MAD1L1: variants seen among roughly 807,000 people sequenced by gnomAD.
MAD1L1 encodes the protein mitotic spindle assembly checkpoint protein MAD1.
Under a neutral mutation model 96.9 loss-of-function variants are expected in MAD1L1, and 95 were observed. That is an observed-to-expected ratio of 0.98 (90% CI 0.83 to 1.16). The LOEUF (loss-of-function observed/expected upper bound fraction) is 1.16, where lower values mean the gene tolerates loss of function less well. Ranked by LOEUF, MAD1L1 falls within the 50% of genes most tolerant of loss-of-function variation. The probability of loss-of-function intolerance (pLI) is 0.00; values close to 1 mark genes in which losing one functional copy is unlikely to be tolerated. For missense variants in MAD1L1, 1,007 were observed against 954.4 expected (o/e 1.06, Z -0.73); for synonymous variants, 473 against 396.6 (o/e 1.19, Z -2.29).
chr7:2,003,977 A>C (rs1345442925), intron 13 of MAD1L1, among the ~76,000 whole-genome samples: 6 of 152,154 alleles, frequency 3.9e-5, no homozygotes, highest in African/African-American at 1.4e-4. Flanking sequence ...AACTGGGCCT[A>C]GACACAACGC....
rs77349440 is a variant in MAD1L1 at position 2,077,019 on chromosome 7, G to A, written c.1074-7681C>T. Among the ~76,000 whole-genome samples the A allele has an allele frequency of 3.4e-3, 504 of 146,294 alleles. 1 individual carries two copies. Among genetic ancestry groups the A allele is most frequent in the South Asian group, 8.3e-3 (37 of 4,436 alleles). On this transcript the variant is annotated intron_variant, in intron 11 of 18. Transcript: ENST00000265854. ...TTATGACACAGTGAGCTCACGGCAC[G>A]GTGAGCCCGAGACAGAGTTACGACT...
At chr7:1,958,417 T>C (rs1463009832) in intron 15 of MAD1L1, among the ~76,000 whole-genome samples, 1 of 152,170 alleles carries the variant, frequency 6.6e-6, no homozygotes. Flanking sequence ...ATAAAAAAAG[T>C]CTGTCAAGGC....
At chr7:2,017,897 C>T (rs1782615507) in intron 12 of MAD1L1, among the ~76,000 whole-genome samples, 1 of 152,084 alleles carries the variant, frequency 6.6e-6, no homozygotes, top group Non-Finnish European at 1.5e-5. Context: ...GAAGAAGAAA[C>T]CCAGGGCACA....
intron 11 of MAD1L1, among the ~76,000 whole-genome samples, chr7:2,126,025 T>C (rs1006353176): frequency 2.6e-5 from 4 of 152,234 alleles, no homozygotes; most frequent in African/African-American, 9.6e-5. Context: ...CATGGGCTGC[T>C]TTCCACAGGT....
chr7:2,092,493 A>C (rs1786268190), intron 11 of MAD1L1, among the ~76,000 whole-genome samples: 1 of 151,846 alleles, frequency 6.6e-6, no homozygotes, highest in African/African-American at 2.4e-5. Context: ...GCCCCGCCTA[A>C]GCATCCTCCC....
At chr7:2,154,639 GTAAA>G (rs773758101) in intron 10 of MAD1L1, among the ~76,000 whole-genome samples, 3 of 152,070 alleles carry the variant, frequency 2.0e-5, no homozygotes, top group Admixed American at 6.6e-5. Context: ...TAAATAAATG[GTAAA>G]TAAATAAATA....
chr7:2,077,323 CCA>C (rs1422129507), intron 11 of MAD1L1, among the ~76,000 whole-genome samples: 2 of 152,128 alleles, frequency 1.3e-5, no homozygotes, highest in African/African-American at 4.8e-5. Flanking sequence ...AGATCAAGAC[CCA>C]CCCACAAGTA....
intron 16 of MAD1L1, among the ~76,000 whole-genome samples, chr7:1,947,102 C>G (rs1478821616): frequency 1.3e-5 from 2 of 152,196 alleles, no homozygotes; most frequent in African/African-American, 4.8e-5. Flanking sequence ...ACCTCCCTTC[C>G]GGCCAAAATG....
At chr7:2,000,228 T>TA (rs1562595621) in intron 14 of MAD1L1, among the ~76,000 whole-genome samples, 1 of 152,026 alleles carries the variant, frequency 6.6e-6, no homozygotes, top group East Asian at 1.9e-4. Context: ...TCACGCTCTC[T>TA]ACCTCACCTG....
Position 2,069,280 on chromosome 7 carries a change from C to A in MAD1L1, c.1132G>T (p.Gly378Cys). Residue 378 changes from glycine to cysteine, a missense_variant, in exon 12 of 19, where the codon GGC becomes TGC. Transcript: ENST00000265854. ...TTCTTCCTCTCCTCCAACAGCTGGC[C>A]GCTGACCTGCCGGAGCTCCTCCTGC... ...QLQEELRQVS[G>C]QLLEERKKRE... is the part of the protein sequence containing the mutation. The A allele has an allele frequency of 1.2e-6, 2 of 1,610,870 alleles. No individual in the cohort carries two copies. The highest frequency in any genetic ancestry group is 1.7e-6 in the Non-Finnish European group (2 of 1,179,450).
intron 18 of MAD1L1, among the ~76,000 whole-genome samples, chr7:1,852,726 G>A (rs554769055): frequency 9.2e-5 from 14 of 152,038 alleles, no homozygotes; most frequent in Non-Finnish European, 1.9e-4. Flanking sequence ...ACCCGGTGTC[G>A]GCACAGGCCT....
At chr7:1,933,304 T>G (rs1248219216) in intron 17 of MAD1L1, among the ~76,000 whole-genome samples, 1 of 152,222 alleles carries the variant, frequency 6.6e-6, no homozygotes, top group Non-Finnish European at 1.5e-5. Context: ...GCTGTCGAGC[T>G]GGGGAACTGC....
At chr7:1,842,049 T>C (rs1473369068) in intron 18 of MAD1L1, among the ~76,000 whole-genome samples, 1 of 152,206 alleles carries the variant, frequency 6.6e-6, no homozygotes, top group Admixed American at 6.5e-5. Flanking sequence ...TTGCCTTGTT[T>C]TTCGTCTTTG....
At chr7:2,175,129 T>A (rs1383565524) in intron 10 of MAD1L1, 1 of 152,280 alleles carries the variant, frequency 6.6e-6, no homozygotes, top group Admixed American at 6.5e-5. Context: ...CTTACCGTAG[T>A]CCATAAGGCA....
At chr7:1,976,628 T>C (rs1780656089) in intron 15 of MAD1L1, among the ~76,000 whole-genome samples, 1 of 152,230 alleles carries the variant, frequency 6.6e-6, no homozygotes, top group African/African-American at 2.4e-5. Flanking sequence ...TTGCCGCTGC[T>C]AGCTCTGGCA....
intron 10 of MAD1L1, among the ~76,000 whole-genome samples, chr7:2,212,303 G>A (rs936756654): frequency 6.6e-6 from 1 of 152,200 alleles, no homozygotes; most frequent in Non-Finnish European, 1.5e-5. Context: ...CCCAAGCGCT[G>A]GCACTCAGCT....
At chr7:2,139,881 A>G (rs1398565941) in intron 11 of MAD1L1, among the ~76,000 whole-genome samples, 2 of 152,200 alleles carry the variant, frequency 1.3e-5, no homozygotes, top group East Asian at 3.8e-4. Flanking sequence ...TTAAAAAGTA[A>G]CAATACAGAT....
At chr7:2,057,993 G>A (rs1784452272) in intron 12 of MAD1L1, among the ~76,000 whole-genome samples, 1 of 148,530 alleles carries the variant, frequency 6.7e-6, no homozygotes, top group African/African-American at 2.5e-5. Context: ...GAGGAGAGGA[G>A]AGGCGCGGGG....
chr7:2,221,980 T>C (rs1435413570), intron 5 of MAD1L1, among the ~76,000 whole-genome samples: 4 of 151,884 alleles, frequency 2.6e-5, no homozygotes, highest in African/African-American at 7.3e-5. Flanking sequence ...CATACATACA[T>C]GAGCGAACAC....
Sources: allele counts gnomAD v4.1 joint callset (sites outside exome capture counted in the v4.1 genomes callset), GRCh38; gene constraint gnomAD v4.1.1; transcripts MANE v1.5; gene names NCBI Gene and HGNC (gene_info 2026-07-23, HGNC 2026-07-21).